The following PLD5 variants were observed in gnomAD, a reference collection of about 807,000 sequenced individuals.
PLD5 encodes phospholipase D family member 5, also known as inactive phospholipase D5.
PLD5 carries 36 observed loss-of-function variants against 61.1 expected under a neutral mutation model. The ratio of observed to expected loss-of-function variants is 0.59; its 90% CI spans 0.45 to 0.78. PLD5 has a LOEUF of 0.78. PLD5 is among the 30% of genes least tolerant of loss of function. PLD5 has a pLI of 0.00. For synonymous variants in PLD5, 243 were observed against 242.8 expected, an observed-to-expected ratio of 1.00 and a Z score of -0.01; for missense variants, 515 against 644.4, an observed-to-expected ratio of 0.80 and a Z score of 2.17.
At chr1:242,467,867 T>C (rs1454653764) in intron 1 of PLD5, among the ~76,000 whole-genome samples, 1 of 152,172 alleles carries the variant, frequency 6.6e-6, no homozygotes, top group Non-Finnish European at 1.5e-5. Context: ...TAGGTACTCA[T>C]GAGTGAGTTC....
chr1:242,090,048 G>A lies in PLD5; in HGVS notation c.1417C>T (p.Gln473Ter). The A allele has an allele frequency of 3.1e-6, 5 of 1,614,138 alleles. No individual in the cohort carries two copies. The South Asian group carries it at 3.3e-5, about 11-fold the overall frequency. The change falls in exon 10 of 10, where the codon CAG becomes TAG. Residue 473 changes from glutamine to a stop codon, truncating the protein, a stop_gained. Transcript: ENST00000536534. LOFTEE classifies it high-confidence loss of function. ...QNAGTGLVIN[Q>*]ADVRNNRSII... Reference sequence around the variant, plus strand: ...CTTCTGTTGTTCCTCACATCTGCCTGGTTGATAACAAGGCCCGTGCCAGCA... The same window carrying A: ...CTTCTGTTGTTCCTCACATCTGCCTAGTTGATAACAAGGCCCGTGCCAGCA...
intron 2 of PLD5, among the ~76,000 whole-genome samples, chr1:242,320,291 T>G (rs1410022946): frequency 5.3e-5 from 8 of 152,232 alleles, no homozygotes; most frequent in Non-Finnish European, 1.2e-4. Flanking sequence ...AGCTCAAATA[T>G]CTACTTGTAG....
chr1:242,396,671 T>C (rs1558529961), intron 1 of PLD5, among the ~76,000 whole-genome samples: 2 of 143,444 alleles, frequency 1.4e-5, no homozygotes, highest in South Asian at 2.2e-4. Flanking sequence ...TTCTTTTCTT[T>C]TCTTTTTTTT....
chr1:242,200,443 T>C (rs1668911749), intron 5 of PLD5, among the ~76,000 whole-genome samples: 1 of 152,206 alleles, frequency 6.6e-6, no homozygotes, highest in Non-Finnish European at 1.5e-5. Flanking sequence ...GCAGTAGCTT[T>C]GAGACGTCTT....
At chr1:242,188,185 G>A (rs948515555) in intron 5 of PLD5, among the ~76,000 whole-genome samples, 1 of 152,186 alleles carries the variant, frequency 6.6e-6, no homozygotes, top group African/African-American at 2.4e-5. Context: ...AAATCAACTG[G>A]ATCACAGAGC....
chr1:242,226,347 G>A (rs1379127844), intron 4 of PLD5, among the ~76,000 whole-genome samples: 1 of 152,178 alleles, frequency 6.6e-6, no homozygotes, highest in South Asian at 2.1e-4. Flanking sequence ...AGCTGCTGGT[G>A]ATGAGTCCAG....
At chr1:242,178,017 C>T (rs12144712) in intron 5 of PLD5, 39,073 of 152,176 alleles carry the variant, frequency 0.26, 5,488 homozygotes, top group South Asian at 0.39. Context: ...GAAATAAGTG[C>T]TAATCAACTG....
chr1:242,447,677 C>T (rs987296208), intron 1 of PLD5, among the ~76,000 whole-genome samples: 2 of 152,200 alleles, frequency 1.3e-5, no homozygotes, highest in African/African-American at 4.8e-5. Context: ...ATGTAAACAG[C>T]TTGCAGTCAC....
At chr1:242,466,823 G>A (rs1667291250) in intron 1 of PLD5, among the ~76,000 whole-genome samples, 1 of 151,952 alleles carries the variant, frequency 6.6e-6, no homozygotes, top group African/African-American at 2.4e-5. Flanking sequence ...AACCCAGGAG[G>A]CGGAAGTTGC....
chr1:242,370,383 G>C (rs1418429), intron 1 of PLD5, among the ~76,000 whole-genome samples: 126,067 of 152,110 alleles, frequency 0.83, 53,255 homozygotes, highest in South Asian at 0.9. Flanking sequence ...TCACTCTTAA[G>C]AGAGTCTCTG....
Position 242,130,998 on chromosome 1 carries a change from G to A in PLD5, c.736-6333C>T, listed in dbSNP as rs1353765485. On this transcript the variant is annotated intron_variant, in intron 5 of 9. Coordinates refer to ENST00000536534, the MANE Select transcript of PLD5 (RefSeq NM_001372062.1). ...CTGTCAAGAAGCTGTTATCAGGATA[G>A]TCATTTTATTGAAAACTCAAGTTAT... Among the ~76,000 whole-genome samples the A allele has an allele frequency of 2.6e-5, 4 of 152,028 alleles. No homozygotes were observed. The East Asian group carries it at 7.7e-4, about 29-fold the overall frequency.
At chr1:242,239,968 T>C (rs1454535940) in intron 4 of PLD5, among the ~76,000 whole-genome samples, 2 of 152,246 alleles carry the variant, frequency 1.3e-5, no homozygotes, top group African/African-American at 4.8e-5. Context: ...TCCTGGTGTT[T>C]TGTTCGTGGC....
intron 1 of PLD5, among the ~76,000 whole-genome samples, chr1:242,423,794 C>T (rs1460016536): frequency 6.6e-6 from 1 of 152,094 alleles, no homozygotes; most frequent in Non-Finnish European, 1.5e-5. Flanking sequence ...TCACTGCTCC[C>T]CCTCCACTGC....
chr1:242,171,827 G>C (rs1413460862), intron 5 of PLD5, among the ~76,000 whole-genome samples: 3 of 151,978 alleles, frequency 2.0e-5, no homozygotes, highest in African/African-American at 7.2e-5. Context: ...AAAGGGATCA[G>C]TGCAACAAGA....
chr1:242,120,962 TAA>T (rs1191829483), intron 6 of PLD5, among the ~76,000 whole-genome samples: 1 of 141,644 alleles, frequency 7.1e-6, no homozygotes, highest in African/African-American at 3.2e-5. Flanking sequence ...CTAACTATGC[TAA>T]GTTATCAATT....
intron 5 of PLD5, among the ~76,000 whole-genome samples, chr1:242,194,664 A>ATCTATCTATCTATCTATCTATCTATCTG (rs1558329022): frequency 6.6e-6 from 1 of 150,558 alleles, no homozygotes; most frequent in African/African-American, 2.5e-5. Flanking sequence ...CTATCTATCT[A>ATCTATCTATCTATCTATCTATCTATCTG]TCTACCTATC....
intron 1 of PLD5, among the ~76,000 whole-genome samples, chr1:242,362,010 A>T (rs1220862410): frequency 6.6e-6 from 1 of 151,948 alleles, no homozygotes; most frequent in African/African-American, 2.4e-5. Context: ...TAAAGAGGAA[A>T]AAAATGGAAT....
intron 2 of PLD5, among the ~76,000 whole-genome samples, chr1:242,338,655 T>C (rs1337111996): frequency 1.3e-5 from 2 of 152,154 alleles, no homozygotes; most frequent in Non-Finnish European, 2.9e-5. Context: ...CTCCTTTAAA[T>C]ATTAAATGCT....
chr1:242,146,588 C>T (rs1574391550), intron 5 of PLD5, among the ~76,000 whole-genome samples: 1 of 152,038 alleles, frequency 6.6e-6, no homozygotes, highest in African/African-American at 2.4e-5. Flanking sequence ...TAGAATGCCA[C>T]AATTTTATAA....
Sources: allele counts gnomAD v4.1 joint callset (sites outside exome capture counted in the v4.1 genomes callset), GRCh38; gene constraint gnomAD v4.1.1; transcripts MANE v1.5; gene names NCBI Gene and HGNC (gene_info 2026-07-23, HGNC 2026-07-21).